Variants in COL21A1 observed in about 807,000 individuals in gnomAD.
COL21A1 encodes the protein collagen type XXI alpha 1 chain.
Under a neutral mutation model 137.9 loss-of-function variants are expected in COL21A1, and 149 were observed. The ratio of observed to expected loss-of-function variants is 1.08; its 90% CI spans 0.95 to 1.24. The LOEUF is 1.24. Among genes scored for constraint, COL21A1 ranks in the 50% most tolerant of loss-of-function variants. The pLI is 0.00. For missense variants in COL21A1, 1,167 were observed against 1,158.4 expected (o/e 1.01, Z -0.11); for synonymous variants, 456 against 391.5 (o/e 1.16, Z -1.95).
intron 14 of COL21A1, 157 bp downstream of exon 14, chr6:56,125,410 T>C (rs1256901754): frequency 4.3e-6 from 2 of 460,920 alleles, no homozygotes; most frequent in Non-Finnish European, 7.7e-6. Context: ...AGCTCTTTTT[T>C]TCTTTTTTTT....
intron 1 of COL21A1, among the ~76,000 whole-genome samples, chr6:56,382,193 G>A (rs928632200): frequency 1.3e-5 from 2 of 152,156 alleles, no homozygotes; most frequent in Non-Finnish European, 2.9e-5. Context: ...TTAATCCCAC[G>A]TTTGTGAGTT....
intron 17 of COL21A1, among the ~76,000 whole-genome samples, chr6:56,095,898 G>A (rs1216533042): frequency 6.6e-6 from 1 of 152,122 alleles, no homozygotes; most frequent in Non-Finnish European, 1.5e-5. Context: ...CCAGGCTGGA[G>A]TGCAGTGGCA....
intron 1 of COL21A1, chr6:56,276,444 GTCTT>G: frequency 1.6e-6 from 1 of 608,928 alleles, no homozygotes; most frequent in Non-Finnish European, 2.8e-6. Context: ...GTCAACAAAA[GTCTT>G]TCTTTCTAAT....
intron 1 of COL21A1, among the ~76,000 whole-genome samples, chr6:56,329,813 A>T (rs943854395): frequency 1.3e-5 from 2 of 152,108 alleles, no homozygotes; most frequent in African/African-American, 4.8e-5. Context: ...TCAGCATGTG[A>T]TTCTTAGCAT....
intron 7 of COL21A1, among the ~76,000 whole-genome samples, chr6:56,165,245 C>T (rs569749700): frequency 5.5e-4 from 83 of 152,106 alleles, no homozygotes; most frequent in Non-Finnish European, 1.1e-3. Flanking sequence ...GAGAGCTTCT[C>T]CTAAAATAGT....
At chr6:56,126,185 C>A (rs1210506715) in intron 12 of COL21A1, 36 bp from the exon 13 acceptor site, 1 of 1,364,330 alleles carries the variant, frequency 7.3e-7, no homozygotes, top group Non-Finnish European at 1.0e-6. Flanking sequence ...CAAAGAAAAA[C>A]CATTCCAGCC....
In COL21A1 at chr6:56,156,960, A is replaced by C. The variant is rs748696612; in HGVS notation, c.1372-11T>G. On this transcript the variant is annotated splice_polypyrimidine_tract_variant and intron_variant, in intron 9 of 29. Coordinates refer to ENST00000244728, the MANE Select transcript of COL21A1 (RefSeq NM_030820.4). ...CAGTCCAGGGTCACCCTAAGCAGGA[A>C]GCAAACAAACTTTTGAGTACAAAAC... 2 of 1,607,326 alleles carry C rather than the reference A, an allele frequency of 1.2e-6. No individual in the cohort carries two copies. The highest frequency in any genetic ancestry group is 8.5e-7 in the Non-Finnish European group (1 of 1,176,438).
intron 17 of COL21A1, among the ~76,000 whole-genome samples, chr6:56,082,414 A>C (rs1431225436): frequency 6.6e-6 from 1 of 152,044 alleles, no homozygotes; most frequent in Non-Finnish European, 1.5e-5. Context: ...TTCCAAAATA[A>C]TACCAGAGTT....
Position 56,147,205 on chromosome 6 carries a change from A to G in COL21A1, c.1435-5222T>C, listed in dbSNP as rs553393745. Among the ~76,000 whole-genome samples, 19 of 152,242 alleles carry G rather than the reference A, an allele frequency of 1.2e-4. No homozygotes were observed. The South Asian group carries it at 3.9e-3, about 32-fold the overall frequency. On this transcript the variant is annotated intron_variant, in intron 10 of 29. Transcript: ENST00000244728. ...GTAATTGTGCTTTTCATACTCAAAGAGAGGCGATCAATAGCTAACCTCATT... is the reference window on the plus strand; with the variant it reads ...GTAATTGTGCTTTTCATACTCAAAGGGAGGCGATCAATAGCTAACCTCATT...
intron 10 of COL21A1, among the ~76,000 whole-genome samples, chr6:56,143,769 C>T (rs2152240053): frequency 6.6e-6 from 1 of 152,284 alleles, no homozygotes; most frequent in Middle Eastern, 3.4e-3. Flanking sequence ...GATTATGAGC[C>T]CCCTTGAGAT....
chr6:56,383,629 G>A (rs2094012479), intron 1 of COL21A1, among the ~76,000 whole-genome samples: 1 of 152,124 alleles, frequency 6.6e-6, no homozygotes, highest in African/African-American at 2.4e-5. Context: ...AGCTTATTCT[G>A]GAGATGGGCA....
intron 1 of COL21A1, among the ~76,000 whole-genome samples, chr6:56,209,465 C>G (rs563825392): frequency 6.6e-6 from 1 of 152,098 alleles, no homozygotes; most frequent in Non-Finnish European, 1.5e-5. Flanking sequence ...AAAAAGTGAG[C>G]GAAGGATATG....
chr6:56,156,135 T>C (rs1228540904), intron 10 of COL21A1, among the ~76,000 whole-genome samples: 2 of 152,238 alleles, frequency 1.3e-5, no homozygotes, highest in Non-Finnish European at 2.9e-5. Context: ...CTTCCACAGA[T>C]GTGCAGAGAA....
At chr6:56,213,193 A>G (rs1780284278) in intron 1 of COL21A1, among the ~76,000 whole-genome samples, 1 of 152,156 alleles carries the variant, frequency 6.6e-6, no homozygotes, top group Non-Finnish European at 1.5e-5. Flanking sequence ...AAAATTGTAT[A>G]CATTTAATAA....
chr6:56,247,245 T>C (rs1235621258), intron 1 of COL21A1, 142 bp downstream of exon 1: 2 of 152,212 alleles, frequency 1.3e-5, no homozygotes, highest in African/African-American at 2.4e-5. Context: ...CACCGAACAG[T>C]TCACCAACTG....
At chr6:56,209,332 G>A (rs892101250) in intron 1 of COL21A1, among the ~76,000 whole-genome samples, 2 of 152,126 alleles carry the variant, frequency 1.3e-5, no homozygotes, top group African/African-American at 4.8e-5. Context: ...TACCATTAGA[G>A]TGAACAGGCA....
At chr6:56,156,643 A>G (rs1039646822) in intron 10 of COL21A1, among the ~76,000 whole-genome samples, 1 of 73,722 alleles carries the variant, frequency 1.4e-5, no homozygotes, top group African/African-American at 6.9e-5. Flanking sequence ...GAATAACTCA[A>G]TGTGCTTAAG....
chr6:56,336,979 T>A (rs971705896), intron 1 of COL21A1, among the ~76,000 whole-genome samples: 1 of 152,252 alleles, frequency 6.6e-6, no homozygotes, highest in Non-Finnish European at 1.5e-5. Flanking sequence ...TTTTCACATT[T>A]AAATGTCCAC....
intron 17 of COL21A1, among the ~76,000 whole-genome samples, chr6:56,092,219 G>A (rs1191895219): frequency 6.6e-6 from 1 of 152,042 alleles, no homozygotes; most frequent in Non-Finnish European, 1.5e-5. Flanking sequence ...TGTTTATTAT[G>A]TTTATGCTCA....
Sources: gnomAD v4.1 joint callset for allele counts (sites outside exome capture counted in the v4.1 genomes callset) on GRCh38, gnomAD v4.1.1 for gene constraint, MANE v1.5 for transcripts, NCBI Gene and HGNC (gene_info 2026-07-23, HGNC 2026-07-21) for gene names.